Variants in ATAD2B observed in about 807,000 individuals in gnomAD.
ATAD2B encodes the protein ATPase family AAA domain-containing protein 2B.
In ATAD2B, 40 loss-of-function variants were observed where a neutral mutation model predicts 167.6. The ratio of observed to expected loss-of-function variants is 0.24; its 90% CI spans 0.19 to 0.31. ATAD2B has a LOEUF of 0.31. Ranked by LOEUF, ATAD2B falls within the 10% of genes least tolerant of loss-of-function variation. The pLI is 1.00. For missense variants in ATAD2B, 1,242 were observed against 1,757.2 expected, an observed-to-expected ratio of 0.71 and a Z score of 5.24; for synonymous variants, 579 against 596.5, an observed-to-expected ratio of 0.97 and a Z score of 0.43.
At chr2:23,762,450 A>C (rs1393928387) in intron 23 of ATAD2B, 104 bp from the exon 24 acceptor site, 4 of 1,238,812 alleles carry the variant, frequency 3.2e-6, no homozygotes, top group Non-Finnish European at 4.4e-6. Flanking sequence ...TAAAGTCATT[A>C]ATTATACTAG....
intron 13 of ATAD2B, among the ~76,000 whole-genome samples, chr2:23,837,972 T>C (rs1690278991): frequency 6.6e-6 from 1 of 152,226 alleles, no homozygotes; most frequent in Non-Finnish European, 1.5e-5. Context: ...ATGTTCTTTC[T>C]AGTGTTTTCC....
the ATAD2B span, among the ~76,000 whole-genome samples, chr2:23,724,284 A>T: frequency 2.0e-5 from 3 of 152,166 alleles, no homozygotes; most frequent in African/African-American, 7.2e-5. Context: ...TTCCCAAAAC[A>T]AAAAAAGATA....
intron 9 of ATAD2B, among the ~76,000 whole-genome samples, chr2:23,868,234 G>C (rs1695431124): frequency 6.6e-6 from 1 of 152,092 alleles, no homozygotes; most frequent in African/African-American, 2.4e-5. Context: ...ATTATCCCAT[G>C]TTATACAACT....
At chr2:23,719,678 G>A in the ATAD2B span, among the ~76,000 whole-genome samples, 1 of 151,942 alleles carries the variant, frequency 6.6e-6, no homozygotes, top group African/African-American at 2.4e-5. Flanking sequence ...CCAACTCACT[G>A]TTTCTACACC....
chr2:23,885,590 A>T, intron 5 of ATAD2B, 137 bp downstream of exon 5: 1 of 545,352 alleles, frequency 1.8e-6, no homozygotes, highest in South Asian at 2.4e-5. Flanking sequence ...AAGCAATAAA[A>T]TCCCAAACTA....
intron 18 of ATAD2B, 25 bp from the exon 19 acceptor site, chr2:23,798,348 T>G: frequency 6.5e-7 from 1 of 1,530,554 alleles, no homozygotes; most frequent in Non-Finnish European, 8.9e-7. Flanking sequence ...AAACCAACAT[T>G]AAACAACTCA....
chr2:23,804,809 CT>C (rs1053457458), intron 18 of ATAD2B, among the ~76,000 whole-genome samples: 11 of 151,904 alleles, frequency 7.2e-5, no homozygotes, highest in Middle Eastern at 3.4e-3. Flanking sequence ...TAAGGAACAA[CT>C]ATAAACAAAA....
At chr2:23,793,461 T>A (rs1388571325) in intron 19 of ATAD2B, among the ~76,000 whole-genome samples, 1 of 152,196 alleles carries the variant, frequency 6.6e-6, no homozygotes, top group Non-Finnish European at 1.5e-5. Context: ...AACTCTCTTC[T>A]CTAATTCTCC....
the ATAD2B span, among the ~76,000 whole-genome samples, chr2:23,738,461 T>C: frequency 6.6e-6 from 1 of 151,926 alleles, no homozygotes; most frequent in African/African-American, 2.4e-5. Context: ...GCTTCATAAG[T>C]GAAGGAGAAA....
the ATAD2B span, among the ~76,000 whole-genome samples, chr2:23,678,328 G>A: frequency 2.9e-3 from 438 of 152,290 alleles, 1 homozygote; most frequent in Non-Finnish European, 5.4e-3. Flanking sequence ...GAGACGGGTC[G>A]TTAGAGGGGA....
chr2:23,903,984 G>A (rs1295949654), intron 1 of ATAD2B, among the ~76,000 whole-genome samples: 1 of 152,090 alleles, frequency 6.6e-6, no homozygotes, highest in East Asian at 1.9e-4. Flanking sequence ...GGTGTGGGGA[G>A]CCAGGGAACA....
intron 23 of ATAD2B, among the ~76,000 whole-genome samples, chr2:23,764,149 C>T (rs1329335391): frequency 1.3e-5 from 2 of 152,128 alleles, no homozygotes; most frequent in Admixed American, 6.6e-5. Flanking sequence ...ACAGTAAATC[C>T]ATGTTTAATT....
chr2:23,896,076 G>C, intron 1 of ATAD2B, 106 bp from the exon 2 acceptor site: 2 of 842,760 alleles, frequency 2.4e-6, no homozygotes, highest in Non-Finnish European at 3.4e-6. Context: ...CAGCACTTTG[G>C]GTGGCCGAGG....
At chr2:23,684,341 T>TA in the ATAD2B span, 130,463 of 867,096 alleles carry the variant, frequency 0.15, no homozygotes, top group Non-Finnish European at 0.16. The surrounding 1 kb of genome is among the most constrained non-coding windows in gnomAD (Gnocchi z 4.4). Context: ...TTTTTTTAAT[T>TA]AAAAAAAAAA....
intron 17 of ATAD2B, among the ~76,000 whole-genome samples, chr2:23,818,096 TACACACACACACAC>T (rs70941591): frequency 7.2e-6 from 1 of 139,440 alleles, no homozygotes; most frequent in Non-Finnish European, 1.6e-5. Context: ...ACACACACAT[TACACACACACACAC>T]ACACACACAC....
At chr2:23,808,922 C>T (rs908103204) in intron 18 of ATAD2B, 1 of 152,070 alleles carries the variant, frequency 6.6e-6, no homozygotes, top group Admixed American at 6.6e-5. Context: ...TCCTCCTATT[C>T]CTATGCTGTT....
chr2:23,812,054 G>T (rs921789625), intron 17 of ATAD2B, among the ~76,000 whole-genome samples: 1 of 151,980 alleles, frequency 6.6e-6, no homozygotes, highest in Non-Finnish European at 1.5e-5. Flanking sequence ...TACTCTCACT[G>T]TGGGTAGTAC....
chr2:23,760,306 T>G (rs1676486752), intron 24 of ATAD2B, among the ~76,000 whole-genome samples: 1 of 152,186 alleles, frequency 6.6e-6, no homozygotes, highest in South Asian at 2.1e-4. Flanking sequence ...CACTGATGTA[T>G]CTTCACAGTA....
At chr2:23,906,649 GC>G (rs1701540673) in intron 1 of ATAD2B, among the ~76,000 whole-genome samples, 1 of 151,976 alleles carries the variant, frequency 6.6e-6, no homozygotes, top group Non-Finnish European at 1.5e-5. Flanking sequence ...CCAAAGCCAG[GC>G]AGAGACACAA....
Sources: allele counts gnomAD v4.1 joint callset (sites outside exome capture counted in the v4.1 genomes callset), GRCh38; gene constraint gnomAD v4.1.1; non-coding constraint Gnocchi (gnomAD v3.1); transcripts MANE v1.5; gene names NCBI Gene and HGNC (gene_info 2026-07-23, HGNC 2026-07-21).